RFX7: variants seen among roughly 807,000 people sequenced by gnomAD.
RFX7 encodes the protein regulatory factor X7, also known as DNA-binding protein RFX7.
In RFX7, 26 loss-of-function variants were observed where a neutral mutation model predicts 111.8. That is an observed-to-expected ratio of 0.23 (90% CI 0.17 to 0.32). The LOEUF (loss-of-function observed/expected upper bound fraction) is 0.32. Ranked by LOEUF, RFX7 falls within the 10% of genes least tolerant of loss-of-function variation. The pLI is 1.00. For synonymous variants in RFX7, 624 were observed against 624.4 expected, an observed-to-expected ratio of 1.00 and a Z score of 0.01; for missense variants, 1,573 against 1,772.9, an observed-to-expected ratio of 0.89 and a Z score of 2.02.
chr15:56,199,967 T>G (rs1166748573), intron 2 of RFX7, among the ~76,000 whole-genome samples: 1 of 152,188 alleles, frequency 6.6e-6, no homozygotes, highest in Admixed American at 6.5e-5. Flanking sequence ...TTGGCTCCAT[T>G]ATCCAGTTAA....
At chr15:56,243,355 A>T in intron 1 of RFX7, 68 bp from the exon 2 acceptor site, 4 of 489,134 alleles carry the variant, frequency 8.2e-6, no homozygotes, top group Non-Finnish European at 1.0e-5. Flanking sequence ...AGAGACCGGG[A>T]GGGGAGGACG....
At chr15:56,116,632 G>A (rs372054772) in intron 5 of RFX7, among the ~76,000 whole-genome samples, 5 of 152,088 alleles carry the variant, frequency 3.3e-5, no homozygotes, top group East Asian at 1.9e-4. Flanking sequence ...CGCAGAAGAC[G>A]ATACCCAGTT....
Position 56,142,877 on chromosome 15 carries a change from C to T in RFX7, c.302G>A (p.Ser101Asn). 1 of 1,613,650 alleles carries T rather than the reference C, an allele frequency of 6.2e-7. No homozygotes were observed. The highest frequency in any genetic ancestry group is 8.5e-7 in the Non-Finnish European group (1 of 1,179,720). Residue 101 changes from serine to asparagine, a missense_variant, in exon 5 of 10, where the codon AGT (serine) becomes AAT (asparagine). Around this residue, in one of 7 missense-constraint regions of RFX7, gnomAD observed 191 missense variants for 194.2 expected, o/e 0.98. Transcript: ENST00000559447. ...EKSDQNAMSSSRAQQMHAFSW... is the reference protein window; with the variant it reads ...EKSDQNAMSSNRAQQMHAFSW... ...AAAGGCATGCATTTGTTGTGCCCGA[C>T]TAGATGACATGGCATTCTGATCACT...
chr15:56,087,706 A>G lies in RFX7; in HGVS notation c.*5639T>C. The G allele has an allele frequency of 2.7e-6, 1 of 364,734 alleles. No homozygotes were observed. Among genetic ancestry groups the G allele is most frequent in the South Asian group, 2.1e-5 (1 of 48,544 alleles). 22.6% of individuals were successfully genotyped at this position (364,734 alleles called of 1,614,324 possible). A position where few individuals can be genotyped will look rare whatever the true frequency, so the allele number is the denominator to read the frequency against. ...ACTGGTAAGTATCCGCCTCTGCTAT[A>G]GTGACCTCATTGCATCCTGCAAAGA... On this transcript the variant is annotated 3_prime_UTR_variant, in exon 10 of 10. Transcript: ENST00000559447.
intron 2 of RFX7, among the ~76,000 whole-genome samples, chr15:56,218,052 T>G (rs2043381223): frequency 6.6e-6 from 1 of 152,072 alleles, no homozygotes. Flanking sequence ...CAAACTTTTT[T>G]TGGGTCATCA....
At chr15:56,137,732 G>A (rs1298965917) in intron 5 of RFX7, among the ~76,000 whole-genome samples, 1 of 151,958 alleles carries the variant, frequency 6.6e-6, no homozygotes, top group Non-Finnish European at 1.5e-5. Flanking sequence ...GATCTTTCCT[G>A]CATTCTCTTG....
chr15:56,137,504 CT>C (rs2042321661), intron 5 of RFX7, among the ~76,000 whole-genome samples: 1 of 152,126 alleles, frequency 6.6e-6, no homozygotes, highest in Non-Finnish European at 1.5e-5. Flanking sequence ...ATTCTTCTCT[CT>C]TTTTTTCTTA....
intron 3 of RFX7, among the ~76,000 whole-genome samples, chr15:56,150,175 T>C (rs1288210572): frequency 7.2e-5 from 11 of 152,150 alleles, no homozygotes; most frequent in Non-Finnish European, 1.6e-4. Context: ...GACTGCCTGA[T>C]TGCCCCTCTC....
chr15:56,095,570 C>T lies in RFX7; in HGVS notation c.2158G>A (p.Val720Ile), dbSNP rs2041662756. 1 of 1,613,866 alleles carries T rather than the reference C, an allele frequency of 6.2e-7. No individual in the cohort carries two copies. Among genetic ancestry groups the T allele is most frequent in the African/African-American group, 1.3e-5 (1 of 74,928 alleles). ...AGAQIPSKVS[V>I]NVSSHIGANQ... The stretch of plus-strand genomic sequence containing the variant: ...GCTCCTATGTGTGAACTGACATTTA[C>T]TGATACCTTGCTAGGAATCTGAGCA... Residue 720 changes from valine (V) to isoleucine (I), a missense_variant, in exon 10 of 10, where the codon GTA (valine) becomes ATA (isoleucine). Val to Ile is a conservative substitution (Grantham distance 29). This residue lies in a region of RFX7 where 625 missense variants were observed against 632.2 expected (regional missense o/e 0.99). Transcript: ENST00000559447.
chr15:56,099,178 T>A (rs575522639), intron 8 of RFX7, among the ~76,000 whole-genome samples: 2 of 152,192 alleles, frequency 1.3e-5, no homozygotes, highest in African/African-American at 2.4e-5. Context: ...AAGTAAGTTG[T>A]GGGCAGTAAA....
intron 5 of RFX7, among the ~76,000 whole-genome samples, chr15:56,106,289 TAAC>T (rs2041828737): frequency 1.3e-5 from 2 of 152,242 alleles, no homozygotes; most frequent in Admixed American, 1.3e-4. Flanking sequence ...TGGAAGGATA[TAAC>T]AACCTCATTG....
At chr15:56,107,780 T>C (rs115694667) in intron 5 of RFX7, among the ~76,000 whole-genome samples, 23 of 152,056 alleles carry the variant, frequency 1.5e-4, no homozygotes, top group African/African-American at 5.5e-4. Context: ...AAGAATCAAA[T>C]AGCAATAAAA....
intron 3 of RFX7, among the ~76,000 whole-genome samples, chr15:56,177,924 A>G (rs2042919879): frequency 6.6e-6 from 1 of 152,174 alleles, no homozygotes. Context: ...CTAGGTCTTA[A>G]GAGTAGTCTT....
intron 2 of RFX7, among the ~76,000 whole-genome samples, chr15:56,218,191 G>T (rs1596016950): frequency 1.4e-5 from 1 of 69,546 alleles, no homozygotes; most frequent in Non-Finnish European, 2.5e-5. Context: ...TCTTGCTCTT[G>T]TTGCCCAGGC....
At chr15:56,127,501 T>C (rs778925739) in intron 5 of RFX7, among the ~76,000 whole-genome samples, 1 of 148,314 alleles carries the variant, frequency 6.7e-6, no homozygotes, top group African/African-American at 2.5e-5. Context: ...ATAGGGAATA[T>C]AAAAACATTA....
At chr15:56,186,553 G>T (rs1228257254) in intron 2 of RFX7, among the ~76,000 whole-genome samples, 1 of 151,966 alleles carries the variant, frequency 6.6e-6, no homozygotes, top group African/African-American at 2.4e-5. Flanking sequence ...CCTGCCACAA[G>T]AGCTCAACTA....
intron 2 of RFX7, among the ~76,000 whole-genome samples, chr15:56,214,983 T>C (rs1408126075): frequency 6.6e-6 from 1 of 152,194 alleles, no homozygotes; most frequent in Non-Finnish European, 1.5e-5. Flanking sequence ...TGTACATTTC[T>C]TGTTTCTAAT....
At chr15:56,110,268 G>A (rs1595931795) in intron 5 of RFX7, among the ~76,000 whole-genome samples, 1 of 79,466 alleles carries the variant, frequency 1.3e-5, no homozygotes, top group Non-Finnish European at 2.7e-5. Context: ...GAGGGAGGTG[G>A]GGGGGGGTCA....
chr15:56,229,771 A>T (rs1795471547), intron 2 of RFX7, among the ~76,000 whole-genome samples: 1 of 152,200 alleles, frequency 6.6e-6, no homozygotes, highest in South Asian at 2.1e-4. Flanking sequence ...CAAGTAGCAC[A>T]ATATAAAATA....
Sources: gnomAD v4.1 joint callset for allele counts (sites outside exome capture counted in the v4.1 genomes callset) on GRCh38, gnomAD v4.1.1 for gene constraint, gnomAD v4.1.1 regional missense constraint, MANE v1.5 for transcripts, NCBI Gene and HGNC (gene_info 2026-07-23, HGNC 2026-07-21) for gene names.